Variants in HTR1F observed in about 807,000 individuals in gnomAD.
HTR1F encodes 5-hydroxytryptamine receptor 1F.
HTR1F carries 17 observed loss-of-function variants against 24.0 expected under a neutral mutation model. That is an observed-to-expected ratio of 0.71 (90% confidence interval 0.48 to 1.06). The LOEUF is 1.06. Ranked by LOEUF, HTR1F falls within the 50% of genes least tolerant of loss-of-function variation. The pLI is 0.00. For missense variants in HTR1F, 391 were observed against 427.8 expected, an observed-to-expected ratio of 0.91 and a Z score of 0.76; for synonymous variants, 186 against 156.8, an observed-to-expected ratio of 1.19 and a Z score of -1.39.
intron 2 of HTR1F, among the ~76,000 whole-genome samples, chr3:87,946,198 C>T (rs971990249): frequency 2.0e-5 from 3 of 152,272 alleles, no homozygotes; most frequent in African/African-American, 7.2e-5. Flanking sequence ...GACACCCTGC[C>T]GGATCCAGAG....
chr3:87,905,591 A>T (rs1210990894), intron 2 of HTR1F, among the ~76,000 whole-genome samples: 4 of 152,160 alleles, frequency 2.6e-5, no homozygotes, highest in Non-Finnish European at 5.9e-5. Context: ...CAATACTGAC[A>T]GTCATTGAGA....
chr3:87,831,668 T>C (rs116727682), intron 2 of HTR1F, among the ~76,000 whole-genome samples: 25 of 152,134 alleles, frequency 1.6e-4, no homozygotes, highest in Non-Finnish European at 2.5e-4. Context: ...GGCCCACAGA[T>C]ACAAATTATT....
chr3:87,858,348 A>C (rs1208604828), intron 2 of HTR1F, among the ~76,000 whole-genome samples: 2 of 152,184 alleles, frequency 1.3e-5, no homozygotes, highest in Non-Finnish European at 2.9e-5. Flanking sequence ...TGTCTATATT[A>C]GGACTGGGTC....
At chr3:87,942,332 G>A (rs1256858689) in intron 2 of HTR1F, among the ~76,000 whole-genome samples, 1 of 152,136 alleles carries the variant, frequency 6.6e-6, no homozygotes, top group Non-Finnish European at 1.5e-5. Flanking sequence ...AGATCTGGAG[G>A]ACAGTTGTCC....
chr3:87,824,598 G>A (rs1046073216), intron 2 of HTR1F, among the ~76,000 whole-genome samples: 1 of 152,168 alleles, frequency 6.6e-6, no homozygotes, highest in Non-Finnish European at 1.5e-5. Flanking sequence ...CCTTGTGAAT[G>A]AAAGAATGAA....
chr3:87,943,212 T>A (rs1312981280), intron 2 of HTR1F, among the ~76,000 whole-genome samples: 15 of 152,182 alleles, frequency 9.9e-5, no homozygotes, highest in Admixed American at 8.5e-4. Context: ...ATCATTGACC[T>A]GACTGAGTGA....
chr3:87,901,331 C>A (rs1431690998), intron 2 of HTR1F, among the ~76,000 whole-genome samples: 2 of 151,896 alleles, frequency 1.3e-5, no homozygotes, highest in Non-Finnish European at 2.9e-5. Flanking sequence ...AGGAATGGCA[C>A]CCTTATCAGA....
At position 87,923,424 on chromosome 3, in the gene HTR1F, C is replaced by G. The variant is rs1704053898; in HGVS notation, c.-42-67284C>G. Among the ~76,000 whole-genome samples the G allele has an allele frequency of 2.0e-5, 3 of 151,908 alleles. No homozygotes were observed. In the South Asian group the frequency reaches 6.2e-4, roughly 31 times the overall value. On this transcript the variant is annotated intron_variant, in intron 2 of 2. Transcript: ENST00000319595. ...TGGGGTCTTCATCAATTTCTTTCAT[C>G]AGTGTTTCATAGTTTTTATCAGAGA...
At chr3:87,907,979 T>C (rs1703702162) in intron 2 of HTR1F, among the ~76,000 whole-genome samples, 1 of 152,066 alleles carries the variant, frequency 6.6e-6, no homozygotes, top group Non-Finnish European at 1.5e-5. Context: ...CTTTTAAATT[T>C]ATGTTCTAAT....
chr3:87,936,663 A>G (rs1704427459), intron 2 of HTR1F, among the ~76,000 whole-genome samples: 1 of 152,176 alleles, frequency 6.6e-6, no homozygotes, highest in Admixed American at 6.5e-5. Flanking sequence ...TGAACTTTGG[A>G]GCACAACAAT....
intron 2 of HTR1F, among the ~76,000 whole-genome samples, chr3:87,840,682 T>A (rs748326487): frequency 4.7e-5 from 7 of 150,164 alleles, no homozygotes; most frequent in Non-Finnish European, 8.8e-5. Context: ...AATAGCTCAA[T>A]ATTGTTCATC....
At chr3:87,975,724 C>A (rs1705381964) in intron 2 of HTR1F, among the ~76,000 whole-genome samples, 1 of 152,206 alleles carries the variant, frequency 6.6e-6, no homozygotes, top group African/African-American at 2.4e-5. Context: ...AAGTCTCAGC[C>A]AATCACTGCC....
chr3:87,819,726 T>C (rs1347554819), intron 1 of HTR1F, among the ~76,000 whole-genome samples: 1 of 152,074 alleles, frequency 6.6e-6, no homozygotes, highest in African/African-American at 2.4e-5. Flanking sequence ...TATAAGGTTA[T>C]AAAGTTTTAA....
intron 2 of HTR1F, among the ~76,000 whole-genome samples, chr3:87,924,235 T>C (rs1236765465): frequency 6.6e-6 from 1 of 152,084 alleles, no homozygotes; most frequent in Non-Finnish European, 1.5e-5. Flanking sequence ...ATTGTATGTG[T>C]CCAGGAACTT....
At chr3:87,894,964 T>C (rs190737402) in intron 2 of HTR1F, among the ~76,000 whole-genome samples, 10 of 152,244 alleles carry the variant, frequency 6.6e-5, no homozygotes, top group Admixed American at 6.5e-4. Context: ...TAAGGCTTAG[T>C]GAATGGTATT....
Position 87,991,538 on chromosome 3 carries a change from C to T in HTR1F, c.789C>T (p.Ser263=). The change falls in exon 3 of 3, where the codon AGC becomes AGT. Residue 263 remains serine, a synonymous_variant. Coordinates refer to ENST00000319595, the MANE Select transcript of HTR1F (RefSeq NM_001322209.2). ...CAACAGACTTTGATAAAATTCATAG[C>T]ACAGTGAGAAGTCTCAGGTCTGAAT... is the stretch of plus-strand genomic sequence containing the variant. ...DPSTDFDKIH[S]TVRSLRSEFK... 1 of 1,613,136 alleles carries T rather than the reference C, an allele frequency of 6.2e-7. No individual in the cohort carries two copies. Among genetic ancestry groups the T allele is most frequent in the South Asian group, 1.1e-5 (1 of 91,080 alleles).
chr3:87,800,171 G>A (rs1703969864), intron 1 of HTR1F, among the ~76,000 whole-genome samples: 1 of 151,966 alleles, frequency 6.6e-6, no homozygotes, highest in Admixed American at 6.6e-5. Flanking sequence ...TATTAGTTCT[G>A]TCTCATGCTT....
At chr3:87,906,530 T>A (rs921625880) in intron 2 of HTR1F, among the ~76,000 whole-genome samples, 14 of 152,132 alleles carry the variant, frequency 9.2e-5, no homozygotes, top group Admixed American at 6.6e-4. Flanking sequence ...ATTTTTTTTT[T>A]AATTTTTTCT....
At chr3:87,915,876 A>G (rs1703881257) in intron 2 of HTR1F, among the ~76,000 whole-genome samples, 2 of 152,180 alleles carry the variant, frequency 1.3e-5, no homozygotes, top group Admixed American at 1.3e-4. Flanking sequence ...AACTCATCGC[A>G]AAAATATTAT....
Sources: gnomAD v4.1 joint callset for allele counts (sites outside exome capture counted in the v4.1 genomes callset) on GRCh38, gnomAD v4.1.1 for gene constraint, MANE v1.5 for transcripts, NCBI Gene and HGNC (gene_info 2026-07-23, HGNC 2026-07-21) for gene names.